The following NYAP2 variants were observed in gnomAD, a reference collection of about 807,000 sequenced individuals.
NYAP2 encodes the protein neuronal tyrosine-phosphorylated phosphoinositide-3-kinase adapter 2.
NYAP2 carries 23 observed loss-of-function variants against 50.4 expected under a neutral mutation model. The ratio of observed to expected loss-of-function variants is 0.46; its 90% confidence interval spans 0.33 to 0.65. The LOEUF (loss-of-function observed/expected upper bound fraction) is 0.65, where lower values mean the gene tolerates loss of function less well. Among genes scored for constraint, NYAP2 ranks in the 30% least tolerant of loss-of-function variants. NYAP2 has a pLI of 0.02. For missense variants in NYAP2, 885 were observed against 861.0 expected (o/e 1.03, Z -0.35); for synonymous variants, 394 against 365.2 (o/e 1.08, Z -0.90).
the NYAP2 span, among the ~76,000 whole-genome samples, chr2:225,687,620 A>G: frequency 6.6e-6 from 1 of 152,218 alleles, no homozygotes; most frequent in African/African-American, 2.4e-5. Context: ...AAAATGATTC[A>G]GTGATTTAAT....
intron 5 of NYAP2, among the ~76,000 whole-genome samples, chr2:225,622,513 T>C (rs932862036): frequency 1.2e-4 from 4 of 33,854 alleles, no homozygotes; most frequent in Non-Finnish European, 2.3e-4. Flanking sequence ...TTTCTTTCTT[T>C]CTTTCTTCTT....
upstream of NYAP2, among the ~76,000 whole-genome samples, chr2:225,398,540 A>G (rs562824069): frequency 7.2e-5 from 11 of 151,972 alleles, no homozygotes; most frequent in Non-Finnish European, 1.3e-4. Flanking sequence ...CCTCTTGATC[A>G]CAGTGTGGTG....
At chr2:225,577,903 A>C (rs1692196251) in intron 4 of NYAP2, among the ~76,000 whole-genome samples, 1 of 151,734 alleles carries the variant, frequency 6.6e-6, no homozygotes, top group African/African-American at 2.4e-5. Context: ...TGAAGAGTCT[A>C]TTCTCTAAAC....
chr2:225,662,125 A>G, the NYAP2 span, among the ~76,000 whole-genome samples: 11 of 152,356 alleles, frequency 7.2e-5, no homozygotes, highest in Non-Finnish European at 1.5e-4. Context: ...TTTTGAGACT[A>G]AAATGTCATA....
the NYAP2 span, among the ~76,000 whole-genome samples, chr2:225,661,043 A>G: frequency 2.6e-5 from 4 of 152,212 alleles, no homozygotes; most frequent in Non-Finnish European, 5.9e-5. Context: ...TCTTTTGCCA[A>G]CTGAAAAGGA....
At chr2:225,602,478 A>G (rs546463933) in intron 5 of NYAP2, among the ~76,000 whole-genome samples, 37 of 152,244 alleles carry the variant, frequency 2.4e-4, no homozygotes, top group African/African-American at 8.7e-4. Context: ...TCTTTGTTTG[A>G]AAGAGTTTTA....
chr2:225,461,705 C>A (rs1462332871), intron 3 of NYAP2, among the ~76,000 whole-genome samples: 2 of 152,164 alleles, frequency 1.3e-5, no homozygotes, highest in Non-Finnish European at 2.9e-5. Context: ...TTTCATTATT[C>A]TCCATGGATT....
the NYAP2 span, among the ~76,000 whole-genome samples, chr2:225,689,660 T>C: frequency 6.6e-6 from 1 of 152,122 alleles, no homozygotes; most frequent in Non-Finnish European, 1.5e-5. Flanking sequence ...ACTTGCCTAA[T>C]AATTTTTCAT....
Position 225,540,605 on chromosome 2 carries a change from G to C in NYAP2, c.523+26933G>C, listed in dbSNP as rs370193567. ...ACTTGGAAATTCAAGATGAGATTTG[G>C]GTGGGGACACAGCCAAATCATATCA... is the stretch of plus-strand genomic sequence containing the variant. On this transcript the variant is annotated intron_variant, in intron 4 of 6. Coordinates refer to ENST00000636099, the Ensembl canonical transcript of NYAP2. Among the ~76,000 whole-genome samples the C allele has an allele frequency of 1.1e-4, 17 of 152,242 alleles. No homozygotes were observed. In the East Asian group the frequency reaches 2.9e-3, roughly 26 times the overall value.
chr2:225,399,178 C>T (rs944034812), upstream of NYAP2, among the ~76,000 whole-genome samples: 2 of 152,026 alleles, frequency 1.3e-5, no homozygotes, highest in Non-Finnish European at 2.9e-5. Flanking sequence ...GTAATAAGCA[C>T]ATCCCCTCCC....
chr2:225,660,931 T>C, the NYAP2 span, among the ~76,000 whole-genome samples: 4 of 152,334 alleles, frequency 2.6e-5, no homozygotes, highest in Middle Eastern at 6.8e-3. Flanking sequence ...ATGCATTATT[T>C]ATGAATATGT....
the NYAP2 span, among the ~76,000 whole-genome samples, chr2:225,677,846 G>A: frequency 6.6e-6 from 1 of 152,190 alleles, no homozygotes; most frequent in East Asian, 1.9e-4. Flanking sequence ...TTGTGTCTAT[G>A]ATCATCAGGG....
chr2:225,519,876 A>C (rs1165328335), intron 4 of NYAP2, among the ~76,000 whole-genome samples: 1 of 152,158 alleles, frequency 6.6e-6, no homozygotes, highest in Non-Finnish European at 1.5e-5. Flanking sequence ...GAACTAGTTT[A>C]CACTCCCACC....
In NYAP2 at chr2:225,582,846, C is replaced by T. The variant is rs763013429; in HGVS notation, c.1429C>T (p.Pro477Ser). 5.0e-6 allele frequency: 8 copies of T among 1,613,868 alleles called. No individual in the cohort carries two copies. In the East Asian group the frequency reaches 1.8e-4, roughly 36 times the overall value. Reference sequence around the variant, plus strand: ...CTCTCCTTCAGTGCCTCACTCGACCCCCAGACCCGTGTCGCAAGATGGGGC... The same window carrying T: ...CTCTCCTTCAGTGCCTCACTCGACCTCCAGACCCGTGTCGCAAGATGGGGC... The change falls in exon 5 of 7, where the codon CCC becomes TCC. Residue 477 changes from proline (P) to serine (S), a missense_variant. Physicochemically the swap from Pro to Ser is moderately conservative, Grantham distance 74. Transcript: ENST00000636099. The surrounding 1 kb of genome is among the most constrained non-coding windows in gnomAD (Gnocchi z 7.0).
At chr2:225,398,334 T>A (rs1365227388), upstream of NYAP2, among the ~76,000 whole-genome samples, 1 of 152,074 alleles carries the variant, frequency 6.6e-6, no homozygotes, top group Non-Finnish European at 1.5e-5. Context: ...ACACTAGAGC[T>A]TATTCAAGCT....
At chr2:225,683,934 G>C in the NYAP2 span, among the ~76,000 whole-genome samples, 2 of 152,046 alleles carry the variant, frequency 1.3e-5, no homozygotes, top group Non-Finnish European at 2.9e-5. Context: ...TGGTTAAAAG[G>C]CAAAATGATC....
the NYAP2 span, chr2:225,700,804 C>T: frequency 2.6e-5 from 4 of 151,710 alleles, no homozygotes; most frequent in African/African-American, 9.7e-5. Flanking sequence ...GTATCTTTCC[C>T]ATATCACTCT....
At chr2:225,400,484 G>A (rs1446334880) in intron 1 of NYAP2, 77 bp from the exon 2 acceptor site, 1 of 151,998 alleles carries the variant, frequency 6.6e-6, no homozygotes, top group Non-Finnish European at 1.5e-5. Flanking sequence ...ATGAGAAAGA[G>A]CATCTTTTTG....
intron 4 of NYAP2, among the ~76,000 whole-genome samples, chr2:225,527,238 C>T (rs1279606891): frequency 2.0e-5 from 3 of 152,144 alleles, no homozygotes; most frequent in Non-Finnish European, 4.4e-5. Flanking sequence ...CATGAGAAAT[C>T]AATAAGCCCA....
Sources: gnomAD v4.1 joint callset for allele counts (sites outside exome capture counted in the v4.1 genomes callset) on GRCh38, gnomAD v4.1.1 for gene constraint, Gnocchi (gnomAD v3.1) non-coding constraint, MANE v1.5 for transcripts, NCBI Gene and HGNC (gene_info 2026-07-23, HGNC 2026-07-21) for gene names.